Variants in SLC5A9 observed in about 807,000 individuals in gnomAD.
SLC5A9 encodes sodium/glucose cotransporter 4.
In SLC5A9, 59 loss-of-function variants were observed where a neutral mutation model predicts 70.9. The ratio of observed to expected loss-of-function variants is 0.83; its 90% confidence interval spans 0.68 to 1.03. The LOEUF (loss-of-function observed/expected upper bound fraction) is 1.03. Ranked by LOEUF, SLC5A9 falls within the 50% of genes least tolerant of loss-of-function variation. The probability of loss-of-function intolerance (pLI) is 0.00; values close to 1 mark genes in which losing one functional copy is unlikely to be tolerated. For missense variants in SLC5A9, 832 were observed against 881.1 expected (o/e 0.94, Z 0.71); for synonymous variants, 340 against 346.5 (o/e 0.98, Z 0.21).
chr1:48,237,771 C>T lies in SLC5A9; in HGVS notation c.1385C>T (p.Ala462Val). The T allele has an allele frequency of 6.2e-7, 1 of 1,614,164 alleles. No homozygotes were observed. Among genetic ancestry groups the T allele is most frequent in the Non-Finnish European group, 8.5e-7 (1 of 1,180,026 alleles). ...GGGCAGCTCTTCGACTACATCCAGG[C>T]TGTCACCAGTTACCTGGCCCCACCC... is the stretch of plus-strand genomic sequence containing the variant. ...NSGQLFDYIQ[A>V]VTSYLAPPIT... The change falls in exon 11 of 14, where the codon GCT becomes GTT. Residue 462 changes from alanine to valine, a missense_variant. Transcript: ENST00000438567.
intron 2 of SLC5A9, among the ~76,000 whole-genome samples, chr1:48,225,791 C>T (rs1644137732): frequency 6.6e-6 from 1 of 152,004 alleles, no homozygotes; most frequent in African/African-American, 2.4e-5. Context: ...CACACTCTCA[C>T]TCTCATACAC....
intron 10 of SLC5A9, 44 bp downstream of exon 10, chr1:48,235,923 C>T (rs749211006): frequency 6.2e-7 from 1 of 1,612,028 alleles, no homozygotes; most frequent in Admixed American, 1.7e-5. Flanking sequence ...GCCCTCTCCC[C>T]TCTGCCCTGC....
At position 48,239,247 on chromosome 1, in the gene SLC5A9, G is replaced by A; in HGVS notation, c.1462-75G>A. 1 of 1,057,448 alleles carries A rather than the reference G, an allele frequency of 9.5e-7. No homozygotes were observed. Among genetic ancestry groups the A allele is most frequent in the South Asian group, 1.5e-5 (1 of 66,440 alleles). 65.5% of individuals were successfully genotyped at this position (1,057,448 alleles called of 1,614,324 possible). ...AATAAACCAGTGGGAGAGAGATTTG[G>A]GGAGAGAGTAGTTTTACCTTCCTAG... On this transcript the variant is annotated intron_variant, in intron 11 of 13. Coordinates refer to ENST00000438567, the MANE Select transcript of SLC5A9 (RefSeq NM_001011547.3). The surrounding 1 kb of genome is among the most constrained non-coding windows in gnomAD (Gnocchi z 4.2).
At chr1:48,227,590 C>T (rs1644181743) in intron 2 of SLC5A9, among the ~76,000 whole-genome samples, 1 of 136,448 alleles carries the variant, frequency 7.3e-6, no homozygotes, top group South Asian at 2.4e-4. Context: ...GTGTACTGTG[C>T]CTGTGTGTGT....
chr1:48,222,976 G>A, intron 1 of SLC5A9, 78 bp downstream of exon 1: 3 of 1,450,906 alleles, frequency 2.1e-6, no homozygotes, highest in East Asian at 2.3e-5. Flanking sequence ...TGGAGCTGGG[G>A]CAGGGCTAGG....
chr1:48,227,176 C>CCTGTGTGTGCGTGAGTGCATGTGTGTCA (rs1333095369), intron 2 of SLC5A9, among the ~76,000 whole-genome samples: 2 of 90,006 alleles, frequency 2.2e-5, no homozygotes, highest in African/African-American at 6.7e-5. Context: ...AGTGTGTGTG[C>CCTGTGTGTGCGTGAGTGCATGTGTGTCA]GTGTGTGTGT....
rs1322301598 is a variant in SLC5A9, at chr1:48,229,154, G to A, written c.340-141G>A. The A allele has an allele frequency of 3.1e-6, 5 of 1,613,772 alleles. No homozygotes were observed. Among genetic ancestry groups the A allele is most frequent in the Middle Eastern group, 1.6e-4 (1 of 6,082 alleles). Reference sequence around the variant, plus strand: ...CAGAGGGATCCATCCAAGGTCACACGGGAGGACTGGGGTCAGGTCCCAGGT... The same window carrying A: ...CAGAGGGATCCATCCAAGGTCACACAGGAGGACTGGGGTCAGGTCCCAGGT... On this transcript the variant is annotated intron_variant, in intron 3 of 13. Transcript: ENST00000438567.
rs1243976898 is a variant in SLC5A9 at position 48,247,443 on chromosome 1, T to C, written c.1946T>C (p.Leu649Pro). ...PAEKAALEQKLTSIEEEPLWR... is the reference protein window; with the variant it reads ...PAEKAALEQKPTSIEEEPLWR... ...GAGAAGGCTGCGCTAGAACAGAAGC[T>C]GACAAGCATTGAGGAGGAGCCACTC... The change falls in exon 14 of 14, where the codon CTG (leucine) becomes CCG (proline). Residue 649 changes from leucine (L) to proline (P), a missense_variant. Transcript: ENST00000438567. 3 of 1,614,148 alleles carry C rather than the reference T, an allele frequency of 1.9e-6. No homozygotes were observed. The highest frequency in any genetic ancestry group is 2.5e-6 in the Non-Finnish European group (3 of 1,180,014).
intron 7 of SLC5A9, 84 bp from the exon 8 acceptor site, chr1:48,232,283 G>T (rs550031577): frequency 1.9e-6 from 3 of 1,575,622 alleles, no homozygotes; most frequent in East Asian, 4.5e-5. Context: ...TAGGGACACA[G>T]TCATGCCCAG....
chr1:48,247,445 A>G lies in SLC5A9; in HGVS notation c.1948A>G (p.Thr650Ala). The G allele has an allele frequency of 6.2e-7, 1 of 1,614,198 alleles. No individual in the cohort carries two copies. The highest frequency in any genetic ancestry group is 2.2e-5 in the East Asian group (1 of 44,884). Residue 650 changes from threonine to alanine, a missense_variant, in exon 14 of 14, where the codon ACA becomes GCA. Coordinates refer to ENST00000438567, the MANE Select transcript of SLC5A9 (RefSeq NM_001011547.3). ...AEKAALEQKLTSIEEEPLWRH... is the reference protein window; with the variant it reads ...AEKAALEQKLASIEEEPLWRH... ...GAAGGCTGCGCTAGAACAGAAGCTG[A>G]CAAGCATTGAGGAGGAGCCACTCTG...
chr1:48,236,079 A>G (rs2148580049), intron 10 of SLC5A9, among the ~76,000 whole-genome samples, 200 bp downstream of exon 10: 1 of 152,184 alleles, frequency 6.6e-6, no homozygotes. Context: ...ATAGGAAAAA[A>G]CACCTCTTCC....
chr1:48,236,422 A>G (rs543822540), intron 10 of SLC5A9, among the ~76,000 whole-genome samples: 37 of 152,280 alleles, frequency 2.4e-4, no homozygotes, highest in Admixed American at 2.4e-3. Flanking sequence ...GGAGATTTTC[A>G]TAGGAGGGCT....
In SLC5A9 at chr1:48,239,686, G is replaced by C. The variant is rs1644370589; in HGVS notation, c.1677+149G>C. On this transcript the variant is annotated intron_variant, in intron 12 of 13. Transcript: ENST00000438567. The surrounding 1 kb of genome is among the most constrained non-coding windows in gnomAD (Gnocchi z 4.2). ...TGGGAGGGAAAGTGCCTTGGGCTAT[G>C]AATTCCCCATTGAAAAGTAATTCAT... 7 of 713,800 alleles carry C rather than the reference G, an allele frequency of 9.8e-6. No individual in the cohort carries two copies. Among genetic ancestry groups the C allele is most frequent in the Non-Finnish European group, 1.7e-5 (7 of 424,156 alleles). The allele number at this position is 713,800 out of a possible 1,614,324, so 44.2% of individuals were successfully genotyped here. A position where few individuals can be genotyped will look rare whatever the true frequency, so the allele number is the denominator to read the frequency against.
At chr1:48,230,555 G>C (rs376212176) in intron 4 of SLC5A9, 45 bp from the exon 5 acceptor site, 640 of 1,400,486 alleles carry the variant, frequency 4.6e-4, no homozygotes, top group Non-Finnish European at 6.1e-4. Context: ...CAACCCTACT[G>C]AGGGCCTCGG....
rs543441527 is a variant in SLC5A9, at chr1:48,226,424, C to T, written c.234+1629C>T. Among the ~76,000 whole-genome samples, 16 of 152,174 alleles carry T rather than the reference C, an allele frequency of 1.1e-4. No individual in the cohort carries two copies. The South Asian group carries it at 2.3e-3, about 22-fold the overall frequency. Reference sequence around the variant, plus strand: ...GGCAGGCACTCCCAGGTTCCCACTGCGCCCCAAACACAGAGCAGGCACCCA... The same window carrying T: ...GGCAGGCACTCCCAGGTTCCCACTGTGCCCCAAACACAGAGCAGGCACCCA... On this transcript the variant is annotated intron_variant, in intron 2 of 13. Coordinates refer to ENST00000438567, the MANE Select transcript of SLC5A9 (RefSeq NM_001011547.3).
At chr1:48,242,230 C>T in intron 12 of SLC5A9, 1 of 551,582 alleles carries the variant, frequency 1.8e-6, no homozygotes, top group Non-Finnish European at 3.3e-6. Flanking sequence ...TGTATTCCAG[C>T]ACCTAGCACA....
chr1:48,235,155 G>A (rs1266293464), intron 9 of SLC5A9, among the ~76,000 whole-genome samples: 2 of 152,074 alleles, frequency 1.3e-5, no homozygotes, highest in African/African-American at 4.8e-5. Context: ...GGAAAAATAG[G>A]CCCAGAAATG....
At chr1:48,232,568 G>A in intron 8 of SLC5A9, 66 bp downstream of exon 8, 1 of 1,593,874 alleles carries the variant, frequency 6.3e-7, no homozygotes, top group Non-Finnish European at 8.6e-7. Flanking sequence ...TGGAGAATGG[G>A]AATGTGGCCC....
chr1:48,242,096 T>G (rs1644397695), intron 12 of SLC5A9: 3 of 467,954 alleles, frequency 6.4e-6, no homozygotes, highest in Non-Finnish European at 1.3e-5. Flanking sequence ...GTTTTTGTTC[T>G]TTAAGCTACG....
Sources: gnomAD v4.1 joint callset for allele counts (sites outside exome capture counted in the v4.1 genomes callset) on GRCh38, gnomAD v4.1.1 for gene constraint, Gnocchi (gnomAD v3.1) non-coding constraint, MANE v1.5 for transcripts, NCBI Gene and HGNC (gene_info 2026-07-23, HGNC 2026-07-21) for gene names.